TTLL5: variants seen among roughly 807,000 people sequenced by gnomAD.
The protein encoded by TTLL5 is tubulin polyglutamylase TTLL5.
In TTLL5, 132 loss-of-function variants were observed where a neutral mutation model predicts 168.4. The observed-to-expected ratio is 0.78, with a 90% CI of 0.68 to 0.91. The LOEUF is 0.91. Ranked by LOEUF, TTLL5 falls within the 40% of genes least tolerant of loss-of-function variation. TTLL5 has a pLI of 0.00. For missense variants in TTLL5, 1,545 were observed against 1,581.5 expected (o/e 0.98, Z 0.39); for synonymous variants, 546 against 558.6 (o/e 0.98, Z 0.32).
intron 20 of TTLL5, among the ~76,000 whole-genome samples, chr14:75,769,850 A>G (rs1891175389): frequency 6.6e-6 from 1 of 152,134 alleles, no homozygotes; most frequent in African/African-American, 2.4e-5. Flanking sequence ...TGGGTAAACA[A>G]GAGTATAATT....
intron 18 of TTLL5, among the ~76,000 whole-genome samples, chr14:75,755,789 A>G (rs1566589800): frequency 6.6e-6 from 1 of 152,128 alleles, no homozygotes; most frequent in African/African-American, 2.4e-5. Context: ...TGCAGATCCA[A>G]TTAATTTTGT....
chr14:75,770,386 A>G (rs967293231), intron 20 of TTLL5, among the ~76,000 whole-genome samples: 10 of 152,120 alleles, frequency 6.6e-5, no homozygotes, highest in African/African-American at 2.4e-4. Context: ...CATGGAAGCT[A>G]GACTGGAGCC....
intron 28 of TTLL5, among the ~76,000 whole-genome samples, chr14:75,841,246 T>C (rs1351403120): frequency 6.6e-6 from 1 of 152,222 alleles, no homozygotes; most frequent in Non-Finnish European, 1.5e-5. Context: ...CTAAATCATG[T>C]TTATTCTGCC....
At chr14:75,690,957 A>C (rs1183083169) in intron 6 of TTLL5, among the ~76,000 whole-genome samples, 1 of 152,192 alleles carries the variant, frequency 6.6e-6, no homozygotes, top group African/African-American at 2.4e-5. Context: ...TGAATTATAC[A>C]TGCTTCCTTT....
At chr14:75,904,202 CAAAA>C (rs562877528) in intron 31 of TTLL5, 436 of 984,898 alleles carry the variant, frequency 4.4e-4, no homozygotes, top group East Asian at 2.6e-3. Flanking sequence ...CTCACTCCTC[CAAAA>C]AAAAAAAAAA....
intron 2 of TTLL5, among the ~76,000 whole-genome samples, chr14:75,666,773 T>C (rs1311598930): frequency 6.6e-6 from 1 of 152,198 alleles, no homozygotes; most frequent in African/African-American, 2.4e-5. Flanking sequence ...CTTTGAGTTA[T>C]GTAGGCTGGG....
rs1204732794 is a variant in TTLL5 at position 75,894,389 on chromosome 14, TAA to T, written c.3741-7749_3741-7748del. On this transcript the variant is annotated intron_variant, in intron 30 of 31. Coordinates refer to ENST00000298832, the MANE Select transcript of TTLL5 (RefSeq NM_015072.5). ...CAACATGGTGAATCCCCATCTCTAC[TAA>T]AAATACAAAAAATTAGCTGGGCGTT... 3.3e-5 allele frequency among the ~76,000 whole-genome samples: 5 copies of T among 152,098 alleles called. No individual in the cohort carries two copies. In the East Asian group the frequency reaches 7.7e-4, roughly 23 times the overall value.
intron 12 of TTLL5, among the ~76,000 whole-genome samples, chr14:75,730,827 C>T (rs1888484739): frequency 6.6e-6 from 1 of 151,980 alleles, no homozygotes; most frequent in Admixed American, 6.6e-5. Context: ...TCAAGCGATT[C>T]TCCTGCCTCA....
At chr14:75,697,631 T>C (rs1243429335) in intron 6 of TTLL5, among the ~76,000 whole-genome samples, 2 of 152,128 alleles carry the variant, frequency 1.3e-5, no homozygotes, top group East Asian at 1.9e-4. Flanking sequence ...TGGCAAGTCA[T>C]CTGGGAAAAG....
At chr14:75,874,933 C>T (rs1245357545) in intron 29 of TTLL5, among the ~76,000 whole-genome samples, 3 of 97,546 alleles carry the variant, frequency 3.1e-5, no homozygotes, top group African/African-American at 4.9e-5. Context: ...CACTGGGGGC[C>T]TTTTTTTTTT....
At chr14:75,916,843 C>CTA (rs1261571948) in intron 31 of TTLL5, among the ~76,000 whole-genome samples, 3 of 152,160 alleles carry the variant, frequency 2.0e-5, no homozygotes, top group African/African-American at 7.2e-5. Flanking sequence ...CAGTGAAATA[C>CTA]TATTCAGCCT....
intron 29 of TTLL5, among the ~76,000 whole-genome samples, chr14:75,881,701 A>G (rs1595199074): frequency 6.6e-6 from 1 of 152,352 alleles, no homozygotes; most frequent in Middle Eastern, 3.4e-3. Flanking sequence ...AAATTGTTTT[A>G]ATAAAAAATA....
intron 14 of TTLL5, 39 bp downstream of exon 14, chr14:75,734,089 A>G: frequency 6.2e-7 from 1 of 1,600,724 alleles, no homozygotes; most frequent in Non-Finnish European, 8.6e-7. Context: ...TCACATAAAA[A>G]TTAACCGGAG....
chr14:75,771,357 G>T (rs1382118492), intron 20 of TTLL5, among the ~76,000 whole-genome samples: 2 of 152,192 alleles, frequency 1.3e-5, no homozygotes, highest in Non-Finnish European at 2.9e-5. Flanking sequence ...AATCCAGCAG[G>T]ATGGAGGTTG....
At chr14:75,739,015 C>T (rs550558247) in intron 15 of TTLL5, among the ~76,000 whole-genome samples, 1 of 152,198 alleles carries the variant, frequency 6.6e-6, no homozygotes, top group East Asian at 1.9e-4. Flanking sequence ...ACCTGTTACC[C>T]AGGTTGGTCT....
chr14:75,690,082 A>G (rs140831720), intron 5 of TTLL5, 110 bp from the exon 6 acceptor site: 97 of 1,172,872 alleles, frequency 8.3e-5, no homozygotes, highest in Admixed American at 1.5e-4. Flanking sequence ...ATACAATACT[A>G]TCTTCACTAA....
chr14:75,732,420 G>T lies in TTLL5; in HGVS notation c.1124+1G>T. ...TGAATCTCTCTCCTTCTTTGGCCTG[G>T]TAAGTCAGTTCCATCAACTAAAAAA... On this transcript the variant is annotated splice_donor_variant, in intron 13 of 31. Coordinates refer to ENST00000298832, the MANE Select transcript of TTLL5 (RefSeq NM_015072.5). LOFTEE classifies it high-confidence loss of function. The T allele has an allele frequency of 6.2e-7, 1 of 1,613,384 alleles. No individual in the cohort carries two copies. The highest frequency in any genetic ancestry group is 8.5e-7 in the Non-Finnish European group (1 of 1,179,702).
chr14:75,851,720 C>T (rs1420547907), intron 28 of TTLL5, among the ~76,000 whole-genome samples: 2 of 152,182 alleles, frequency 1.3e-5, no homozygotes, highest in Non-Finnish European at 2.9e-5. Context: ...CTCTCCTGCT[C>T]ACACATCTGA....
intron 31 of TTLL5, among the ~76,000 whole-genome samples, chr14:75,938,499 T>C (rs1231327328): frequency 6.6e-6 from 1 of 152,234 alleles, no homozygotes; most frequent in Non-Finnish European, 1.5e-5. Flanking sequence ...AAATTGCCTG[T>C]GAATAAAATT....
Sources: gnomAD v4.1 joint callset for allele counts (sites outside exome capture counted in the v4.1 genomes callset) on GRCh38, gnomAD v4.1.1 for gene constraint, MANE v1.5 for transcripts, NCBI Gene and HGNC (gene_info 2026-07-23, HGNC 2026-07-21) for gene names.